DRICH1: variants seen among roughly 807,000 people sequenced by gnomAD.
The protein encoded by DRICH1 is aspartate rich 1.
Under a neutral mutation model 39.5 loss-of-function variants are expected in DRICH1, and 38 were observed. The observed-to-expected ratio is 0.96, with a 90% confidence interval of 0.74 to 1.26. The LOEUF (loss-of-function observed/expected upper bound fraction) is 1.26. DRICH1 is among the 50% of genes most tolerant of loss of function. DRICH1 has a pLI of 0.00. For missense variants in DRICH1, 279 were observed against 270.4 expected (o/e 1.03, Z -0.22); for synonymous variants, 84 against 99.5 (o/e 0.84, Z 0.93).
chr22:23,626,124 C>G, intron 1 of DRICH1, 76 bp from the exon 2 acceptor site: 4 of 986,226 alleles, frequency 4.1e-6, no homozygotes, highest in Non-Finnish European at 6.5e-6. Context: ...TTGCTGGATG[C>G]GGCACATGGA....
intron 6 of DRICH1, among the ~76,000 whole-genome samples, chr22:23,619,049 G>A (rs112060887): frequency 3.7e-4 from 56 of 151,842 alleles, no homozygotes; most frequent in African/African-American, 1.1e-3. Context: ...GCATGCATCT[G>A]TAGTCCCAGC....
intron 2 of DRICH1, 140 bp from the exon 3 acceptor site, chr22:23,625,044 T>C (rs1358836233): frequency 2.0e-5 from 19 of 970,598 alleles, no homozygotes; most frequent in Admixed American, 1.4e-4. Context: ...CAAAACACTT[T>C]AGCATAGAGG....
At position 23,620,580 on chromosome 22, in the gene DRICH1, T is replaced by C. The variant is rs1227041288; in HGVS notation, c.406+14A>G. On this transcript the variant is annotated intron_variant, in intron 5 of 11. Coordinates refer to ENST00000317749, the MANE Select transcript of DRICH1 (RefSeq NM_016449.4). ...GTTTGTTTCTCAGAAAGTGAGTTAG[T>C]TCAAGGTACATACCCTGGACACGTG... 2 of 1,613,418 alleles carry C rather than the reference T, an allele frequency of 1.2e-6. No homozygotes were observed. The highest frequency in any genetic ancestry group is 1.7e-5 in the Admixed American group (1 of 60,018).
chr22:23,617,435 G>A, intron 7 of DRICH1, 140 bp downstream of exon 7: 4 of 975,350 alleles, frequency 4.1e-6, no homozygotes, highest in South Asian at 2.9e-5. Context: ...ATGCCTGCTT[G>A]TTGGGCCCCC....
intron 7 of DRICH1, 32 bp from the exon 8 acceptor site, chr22:23,616,906 A>G: frequency 6.2e-7 from 1 of 1,612,966 alleles, no homozygotes; most frequent in Non-Finnish European, 8.5e-7. Flanking sequence ...TGCTGTAAGG[A>G]TCAGATCAAT....
chr22:23,626,207 A>C (rs1928054503), intron 1 of DRICH1, among the ~76,000 whole-genome samples, 159 bp from the exon 2 acceptor site: 1 of 152,190 alleles, frequency 6.6e-6, no homozygotes, highest in Non-Finnish European at 1.5e-5. Context: ...AGGGAGTCTC[A>C]CCAGATACCT....
At chr22:23,631,186 G>A (rs1315518515) in intron 1 of DRICH1, among the ~76,000 whole-genome samples, 5 of 152,088 alleles carry the variant, frequency 3.3e-5, no homozygotes, top group African/African-American at 1.2e-4. Context: ...TTGGGAGGCC[G>A]AGGCGGGCAG....
intron 3 of DRICH1, among the ~76,000 whole-genome samples, 191 bp downstream of exon 3, chr22:23,624,692 C>T (rs1406231189): frequency 2.6e-5 from 4 of 152,180 alleles, no homozygotes; most frequent in African/African-American, 9.7e-5. Context: ...CTGGCTCACA[C>T]AAAATCTCCT....
At chr22:23,615,809 A>G (rs1020950175) in intron 8 of DRICH1, among the ~76,000 whole-genome samples, 2 of 152,254 alleles carry the variant, frequency 1.3e-5, no homozygotes, top group East Asian at 1.9e-4. Context: ...GGGGGCACTC[A>G]TAAGTTTCAC....
At chr22:23,587,194 C>G in the DRICH1 span, among the ~76,000 whole-genome samples, 31 of 152,202 alleles carry the variant, frequency 2.0e-4, no homozygotes, top group Admixed American at 2.0e-3. Context: ...TGCCCCTCCC[C>G]CCATGCTTCC....
chr22:23,612,330 G>C (rs62240509), intron 11 of DRICH1, among the ~76,000 whole-genome samples: 19,077 of 151,798 alleles, frequency 0.13, 1,501 homozygotes, highest in East Asian at 0.33. Flanking sequence ...AGCCAGGCAT[G>C]GTGGTGGACA....
chr22:23,584,120 C>A, the DRICH1 span, among the ~76,000 whole-genome samples: 60 of 152,278 alleles, frequency 3.9e-4, no homozygotes, highest in Non-Finnish European at 8.1e-4. Flanking sequence ...CTGGGCCGGG[C>A]CTCTCCAGCA....
intron 6 of DRICH1, among the ~76,000 whole-genome samples, chr22:23,619,000 C>T (rs56320140): frequency 0.1 from 15,888 of 151,876 alleles, 1,133 homozygotes; most frequent in Middle Eastern, 0.23. Flanking sequence ...GGTAAAACCA[C>T]GTCTCTACTA....
the DRICH1 span, among the ~76,000 whole-genome samples, chr22:23,590,278 A>ATTTTTTTTTTT: frequency 2.2e-5 from 3 of 137,528 alleles, no homozygotes; most frequent in African/African-American, 2.7e-5. Flanking sequence ...CAGCCCTTTG[A>ATTTTTTTTTTT]TTTTTTTTTT....
the DRICH1 span, among the ~76,000 whole-genome samples, chr22:23,601,146 G>GCGCACA: frequency 2.4e-3 from 352 of 146,208 alleles, 3 homozygotes; most frequent in Middle Eastern, 0.011. Context: ...ACGCACGCGC[G>GCGCACA]CACACACACA....
intron 7 of DRICH1, 112 bp downstream of exon 7, chr22:23,617,463 C>T: frequency 1.6e-6 from 2 of 1,261,378 alleles, no homozygotes; most frequent in Admixed American, 1.7e-5. Flanking sequence ...GGAAATCTCA[C>T]TTTTACTGTT....
At chr22:23,597,526 A>T in the DRICH1 span, among the ~76,000 whole-genome samples, 16 of 151,618 alleles carry the variant, frequency 1.1e-4, no homozygotes, top group Non-Finnish European at 1.6e-4. Flanking sequence ...AAAGGAAAAA[A>T]GAAAAGAAAA....
At chr22:23,624,398 C>T in intron 3 of DRICH1, 4 of 934,834 alleles carry the variant, frequency 4.3e-6, no homozygotes, top group Non-Finnish European at 5.1e-6. Context: ...ATACTTCTCA[C>T]CTGATGACAT....
At chr22:23,625,054 G>A in intron 2 of DRICH1, 150 bp from the exon 3 acceptor site, 1 of 884,244 alleles carries the variant, frequency 1.1e-6, no homozygotes, top group African/African-American at 1.7e-5. Flanking sequence ...TAGCATAGAG[G>A]ACATGAGTGA....
Sources: gnomAD v4.1 joint callset for allele counts (sites outside exome capture counted in the v4.1 genomes callset) on GRCh38, gnomAD v4.1.1 for gene constraint, MANE v1.5 for transcripts, NCBI Gene and HGNC (gene_info 2026-07-23, HGNC 2026-07-21) for gene names.